Variants in CNTN1 observed in about 807,000 individuals in gnomAD.
CNTN1 encodes contactin-1.
Under a neutral mutation model 126.4 loss-of-function variants are expected in CNTN1, and 38 were observed. That is an observed-to-expected ratio of 0.30 (90% CI 0.23 to 0.39). The LOEUF (loss-of-function observed/expected upper bound fraction) is 0.39, where lower values mean the gene tolerates loss of function less well. Ranked by LOEUF, CNTN1 falls within the 10% of genes least tolerant of loss-of-function variation. The pLI is 1.00. For synonymous variants in CNTN1, 413 were observed against 422.6 expected (o/e 0.98, Z 0.28); for missense variants, 1,009 against 1,248.4 (o/e 0.81, Z 2.89).
At chr12:40,706,973 G>T (rs1451251284) in intron 1 of CNTN1, among the ~76,000 whole-genome samples, 1 of 151,930 alleles carries the variant, frequency 6.6e-6, no homozygotes. Context: ...CAAAAATTTT[G>T]ATCAACCTAG....
chr12:40,702,074 T>G (rs1291642739), intron 1 of CNTN1, among the ~76,000 whole-genome samples: 1 of 150,418 alleles, frequency 6.6e-6, no homozygotes, highest in African/African-American at 2.4e-5. Context: ...ATAAACGGAA[T>G]CATGAAGTAT....
intron 1 of CNTN1, among the ~76,000 whole-genome samples, chr12:40,757,333 C>T (rs1856863173): frequency 6.6e-6 from 1 of 151,794 alleles, no homozygotes; most frequent in South Asian, 2.1e-4. Context: ...TATTATCTTC[C>T]ACATTCCTGT....
intron 1 of CNTN1, among the ~76,000 whole-genome samples, chr12:40,813,045 TTC>T (rs1318684897): frequency 2.5e-5 from 3 of 120,396 alleles, no homozygotes; most frequent in Non-Finnish European, 5.1e-5. Flanking sequence ...TTTCCTTTCT[TTC>T]TTTCTTTCTT....
chr12:40,919,655 T>A (rs139625398), intron 4 of CNTN1, among the ~76,000 whole-genome samples: 1 of 152,142 alleles, frequency 6.6e-6, no homozygotes, highest in Admixed American at 6.6e-5. Context: ...AAAGAGAATA[T>A]CCCTTTCCAC....
intron 12 of CNTN1, 29 bp downstream of exon 12, chr12:40,939,514 C>T (rs764463232): frequency 1.2e-6 from 2 of 1,611,126 alleles, no homozygotes; most frequent in Admixed American, 1.7e-5. Context: ...AATCCAATTG[C>T]AAAATCTGTT....
chr12:40,785,352 G>T (rs1406545021), intron 1 of CNTN1, among the ~76,000 whole-genome samples: 1 of 152,078 alleles, frequency 6.6e-6, no homozygotes, highest in African/African-American at 2.4e-5. Context: ...AAGACGAAGT[G>T]GGAGCAGGCA....
chr12:40,830,832 T>TATATATATATAC (rs1555165566), intron 1 of CNTN1, among the ~76,000 whole-genome samples: 6 of 88,682 alleles, frequency 6.8e-5, no homozygotes, highest in South Asian at 3.8e-4. Flanking sequence ...TATATATATA[T>TATATATATATAC]ATACTCTTTA....
intron 1 of CNTN1, among the ~76,000 whole-genome samples, chr12:40,796,593 G>A (rs1256002322): frequency 6.6e-6 from 1 of 152,068 alleles, no homozygotes; most frequent in African/African-American, 2.4e-5. Flanking sequence ...AGCTTCCCCA[G>A]GGAAAGCAAA....
At chr12:40,976,654 C>T (rs2137058129) in intron 15 of CNTN1, among the ~76,000 whole-genome samples, 1 of 151,830 alleles carries the variant, frequency 6.6e-6, no homozygotes, top group South Asian at 2.1e-4. Flanking sequence ...TTCCTTTGTG[C>T]TGAGAACAAA....
intron 23 of CNTN1, among the ~76,000 whole-genome samples, chr12:41,036,767 C>T (rs1193831876): frequency 6.6e-6 from 1 of 151,830 alleles, no homozygotes; most frequent in Non-Finnish European, 1.5e-5. Flanking sequence ...TTCTGGATTC[C>T]CAATTATTTT....
At chr12:40,794,775 C>T (rs1415023113) in intron 1 of CNTN1, among the ~76,000 whole-genome samples, 1 of 151,878 alleles carries the variant, frequency 6.6e-6, no homozygotes, top group Non-Finnish European at 1.5e-5. Context: ...GGAAAGGCTT[C>T]TCAAACAGAA....
chr12:41,045,770 C>T (rs1267072142), intron 23 of CNTN1, among the ~76,000 whole-genome samples: 1 of 152,078 alleles, frequency 6.6e-6, no homozygotes, highest in Non-Finnish European at 1.5e-5. Context: ...ACACATTCTG[C>T]AAAATCATCC....
intron 14 of CNTN1, among the ~76,000 whole-genome samples, chr12:40,949,737 A>C (rs1448037613): frequency 6.7e-6 from 1 of 150,206 alleles, no homozygotes; most frequent in Non-Finnish European, 1.5e-5. Context: ...ACCACACCTG[A>C]CCATTTTTTT....
At chr12:40,794,610 C>T (rs1940341935) in intron 1 of CNTN1, among the ~76,000 whole-genome samples, 1 of 151,832 alleles carries the variant, frequency 6.6e-6, no homozygotes, top group African/African-American at 2.4e-5. Flanking sequence ...TAAATTATGT[C>T]TTTATTAAAA....
chr12:40,939,448 TG>T lies in CNTN1; in HGVS notation c.1344del (p.Trp448Ter). Reference sequence around the variant, plus strand: ...AGCTGCACCGAAACCAAAGTTTTCATGGAGTAAAGGGACAGAGTGGCTTGTC... The same window carrying T: ...AGCTGCACCGAAACCAAAGTTTTCATGAGTAAAGGGACAGAGTGGCTTGTC... ...PKAAPKPKFS[W>X]SKGTEWLVNS... On this transcript the variant is annotated frameshift_variant, in exon 12 of 24. Transcript: ENST00000551295. LOFTEE classifies it high-confidence loss of function. 1 of 1,613,946 alleles carries T rather than the reference TG, an allele frequency of 6.2e-7. No homozygotes were observed. The highest frequency in any genetic ancestry group is 8.5e-7 in the Non-Finnish European group (1 of 1,179,926).
At chr12:40,718,543 A>C (rs1942108248) in intron 1 of CNTN1, among the ~76,000 whole-genome samples, 1 of 152,164 alleles carries the variant, frequency 6.6e-6, no homozygotes, top group Non-Finnish European at 1.5e-5. Context: ...GGCTGGGTTC[A>C]GTGAATTCAG....
intron 1 of CNTN1, among the ~76,000 whole-genome samples, chr12:40,744,963 C>T (rs1174149182): frequency 3.3e-5 from 5 of 152,006 alleles, no homozygotes; most frequent in African/African-American, 1.2e-4. Context: ...TGTTTCCTTA[C>T]ATGTTTGTGA....
chr12:41,002,855 C>T (rs978358461), intron 17 of CNTN1, among the ~76,000 whole-genome samples: 8 of 152,242 alleles, frequency 5.3e-5, no homozygotes, highest in African/African-American at 1.7e-4. Flanking sequence ...CTGCACCTGG[C>T]TATGGGTTTT....
chr12:40,804,513 G>A (rs11178466), intron 1 of CNTN1, among the ~76,000 whole-genome samples: 20,881 of 152,026 alleles, frequency 0.14, 1,578 homozygotes, highest in Middle Eastern at 0.22. Context: ...ATGGTTGCCT[G>A]ACCCCGTATT....
Sources: gnomAD v4.1 joint callset for allele counts (sites outside exome capture counted in the v4.1 genomes callset) on GRCh38, gnomAD v4.1.1 for gene constraint, MANE v1.5 for transcripts, NCBI Gene and HGNC (gene_info 2026-07-23, HGNC 2026-07-21) for gene names.